Variants in THSD4 observed in about 807,000 individuals in gnomAD.
THSD4 encodes the protein thrombospondin type-1 domain-containing protein 4.
In THSD4, 69 loss-of-function variants were observed where a neutral mutation model predicts 119.0. That is an observed-to-expected ratio of 0.58 (90% CI 0.48 to 0.71). THSD4 has a LOEUF of 0.71. Ranked by LOEUF, THSD4 falls within the 30% of genes least tolerant of loss-of-function variation. The pLI, the probability that THSD4 is intolerant of heterozygous loss-of-function variation, is 0.00. For synonymous variants in THSD4, 524 were observed against 540.4 expected (o/e 0.97, Z 0.42); for missense variants, 1,393 against 1,391.1 (o/e 1.00, Z -0.02).
At chr15:71,141,603 G>T in intron 2 of THSD4, 47 bp downstream of exon 2, 1 of 1,568,344 alleles carries the variant, frequency 6.4e-7, no homozygotes, top group South Asian at 1.2e-5. Flanking sequence ...TAAGAAATTT[G>T]ATATTTGCAT....
chr15:71,494,437 C>A (rs908792775), intron 7 of THSD4, among the ~76,000 whole-genome samples: 11 of 152,090 alleles, frequency 7.2e-5, no homozygotes. Flanking sequence ...ATGTAAGTAG[C>A]TCCCCAATAG....
At position 71,485,046 on chromosome 15, in the gene THSD4, G is replaced by A. The variant is rs1962939379; in HGVS notation, c.1152+73223G>A. Among the ~76,000 whole-genome samples, 3 of 152,218 alleles carry A rather than the reference G, an allele frequency of 2.0e-5. No homozygotes were observed. The South Asian group carries it at 6.2e-4, about 32-fold the overall frequency. On this transcript the variant is annotated intron_variant, in intron 7 of 17. Coordinates refer to ENST00000261862, the MANE Select transcript of THSD4 (RefSeq NM_024817.3). ...ACGTTGTTTCTCCGCCCTTTCCCCA[G>A]CTCCTCTAGAGGCTAGTGTTTCCAG...
chr15:71,157,679 C>CTTT, intron 3 of THSD4, among the ~76,000 whole-genome samples: 1 of 51,618 alleles, frequency 1.9e-5, no homozygotes, highest in Non-Finnish European at 3.9e-5. Flanking sequence ...TATATCAACT[C>CTTT]TTTTTTTTTT....
chr15:71,551,172 G>A (rs913809241), intron 7 of THSD4, among the ~76,000 whole-genome samples: 1 of 152,190 alleles, frequency 6.6e-6, no homozygotes, highest in Non-Finnish European at 1.5e-5. Flanking sequence ...ATGCTTTTAG[G>A]TAGGAAAAGC....
intron 14 of THSD4, among the ~76,000 whole-genome samples, chr15:71,750,924 T>G (rs1382181952): frequency 6.6e-6 from 1 of 152,224 alleles, no homozygotes; most frequent in Non-Finnish European, 1.5e-5. Flanking sequence ...CTTGCCAGCA[T>G]GAGGAATCCT....
At chr15:71,513,483 G>A (rs1313180301) in intron 7 of THSD4, among the ~76,000 whole-genome samples, 3 of 152,110 alleles carry the variant, frequency 2.0e-5, no homozygotes, top group Non-Finnish European at 2.9e-5. Context: ...ATATATGAAG[G>A]GCCAATAATT....
intron 7 of THSD4, among the ~76,000 whole-genome samples, chr15:71,622,767 G>A (rs892993383): frequency 5.9e-5 from 9 of 152,140 alleles, no homozygotes; most frequent in Non-Finnish European, 8.8e-5. Context: ...GAAGCCTGAG[G>A]GAAAGCTAGA....
chr15:71,720,139 C>CGTTG (rs1478496337), intron 8 of THSD4, among the ~76,000 whole-genome samples: 1 of 148,612 alleles, frequency 6.7e-6, no homozygotes, highest in Non-Finnish European at 1.5e-5. Flanking sequence ...CAGCTTTAAC[C>CGTTG]TCCTGGACTC....
At chr15:71,224,599 C>A (rs892872911) in intron 4 of THSD4, among the ~76,000 whole-genome samples, 1 of 152,178 alleles carries the variant, frequency 6.6e-6, no homozygotes, top group Non-Finnish European at 1.5e-5. Flanking sequence ...AAAAAACACA[C>A]CAGTTTATTT....
At chr15:71,657,283 G>A (rs541325844) in intron 7 of THSD4, among the ~76,000 whole-genome samples, 38 of 152,226 alleles carry the variant, frequency 2.5e-4, no homozygotes, top group African/African-American at 8.7e-4. Flanking sequence ...GCATCTTTAC[G>A]TGTTTCGATC....
intron 4 of THSD4, among the ~76,000 whole-genome samples, chr15:71,241,968 C>A (rs1019746296): frequency 6.6e-6 from 1 of 152,146 alleles, no homozygotes; most frequent in South Asian, 2.1e-4. Flanking sequence ...TGACCCAAGA[C>A]AATTCTTCTA....
At chr15:71,528,169 AT>A (rs2048554963) in intron 7 of THSD4, among the ~76,000 whole-genome samples, 3 of 152,284 alleles carry the variant, frequency 2.0e-5, no homozygotes. Flanking sequence ...AAAGTTGAAA[AT>A]GGGAGACAGC....
chr15:71,453,706 G>A (rs190623116), intron 7 of THSD4, among the ~76,000 whole-genome samples: 3 of 152,278 alleles, frequency 2.0e-5, no homozygotes, highest in Admixed American at 6.5e-5. Flanking sequence ...AGACACTGAG[G>A]GATGTGGGTA....
chr15:71,226,531 G>A (rs2044019603), intron 4 of THSD4, among the ~76,000 whole-genome samples: 1 of 152,198 alleles, frequency 6.6e-6, no homozygotes, highest in South Asian at 2.1e-4. Context: ...GGAATCATTT[G>A]TTTTTTCAGC....
chr15:71,498,245 G>T, intron 7 of THSD4, among the ~76,000 whole-genome samples: 1 of 152,160 alleles, frequency 6.6e-6, no homozygotes, highest in East Asian at 1.9e-4. Flanking sequence ...CATGCTTTAA[G>T]AGGGGAACAA....
At chr15:71,098,099 T>C (rs2040238908) in intron 1 of THSD4, among the ~76,000 whole-genome samples, 1 of 152,008 alleles carries the variant, frequency 6.6e-6, no homozygotes, top group Non-Finnish European at 1.5e-5. Context: ...CCCAAGGCAG[T>C]GCTGCTTTTA....
intron 6 of THSD4, among the ~76,000 whole-genome samples, chr15:71,287,954 G>A (rs927081951): frequency 1.3e-5 from 2 of 152,134 alleles, no homozygotes; most frequent in African/African-American, 4.8e-5. Context: ...TTTTTGAGAA[G>A]AAATTGAGTC....
At chr15:71,098,274 C>A (rs1234403296) in intron 1 of THSD4, among the ~76,000 whole-genome samples, 2 of 147,082 alleles carry the variant, frequency 1.4e-5, no homozygotes, top group Admixed American at 6.9e-5. Flanking sequence ...TGGCTCACTG[C>A]AACCTCATCT....
Position 71,776,959 on chromosome 15 carries a change from C to T in THSD4, c.2915-273C>T, listed in dbSNP as rs554911257. On this transcript the variant is annotated intron_variant, in intron 17 of 17. Transcript: ENST00000261862. ...GGGATAAGAAACGCCAAATTTGGAA[C>T]TTCTGATTACCTCTGGAGTGATGAG... 1.2e-4 allele frequency among the ~76,000 whole-genome samples: 18 copies of T among 152,256 alleles called. No homozygotes were observed. The East Asian group carries it at 3.3e-3, about 28-fold the overall frequency.
Sources: gnomAD v4.1 joint callset for allele counts (sites outside exome capture counted in the v4.1 genomes callset) on GRCh38, gnomAD v4.1.1 for gene constraint, MANE v1.5 for transcripts, NCBI Gene and HGNC (gene_info 2026-07-23, HGNC 2026-07-21) for gene names.